Variants in UBE3B observed in about 807,000 individuals in gnomAD.
UBE3B encodes ubiquitin-protein ligase E3B.
Under a neutral mutation model 132.3 loss-of-function variants are expected in UBE3B, and 80 were observed. The observed-to-expected ratio is 0.60, with a 90% CI of 0.50 to 0.73. UBE3B has a LOEUF of 0.73. UBE3B is among the 30% of genes least tolerant of loss of function. The probability of loss-of-function intolerance (pLI) is 0.00; values close to 1 mark genes in which losing one functional copy is unlikely to be tolerated. For missense variants in UBE3B, 1,196 were observed against 1,362.5 expected (o/e 0.88, Z 1.92); for synonymous variants, 487 against 520.4 (o/e 0.94, Z 0.87).
rs757616037 is a variant in UBE3B at position 109,499,853 on chromosome 12, C to T, written c.1118+43C>T. 2.0e-6 allele frequency: 3 copies of T among 1,475,306 alleles called. No homozygotes were observed. In the African/African-American group the frequency reaches 4.3e-5, roughly 21 times the overall value. The allele number at this position is 1,475,306 out of a possible 1,614,324, so 91.4% of individuals were successfully genotyped here. A position where few individuals can be genotyped will look rare whatever the true frequency, so the allele number is the denominator to read the frequency against. On this transcript the variant is annotated intron_variant, in intron 12 of 27. Transcript: ENST00000342494. ...ATCACTGTCTTTCCTGCCTCTCTCC[C>T]ACCATCTTCTTCTTCCTTCTTTCTT...
At chr12:109,510,150 T>C (rs924548778) in intron 16 of UBE3B, among the ~76,000 whole-genome samples, 194 bp from the exon 17 acceptor site, 1 of 152,180 alleles carries the variant, frequency 6.6e-6, no homozygotes, top group African/African-American at 2.4e-5. Context: ...ATGAGTGATT[T>C]TGTCTGAGAG....
chr12:109,510,308 C>A, intron 16 of UBE3B, 36 bp from the exon 17 acceptor site: 3 of 1,538,356 alleles, frequency 2.0e-6, no homozygotes, highest in Non-Finnish European at 2.7e-6. Context: ...CTGGCTCTGA[C>A]TCCTCCTCTG....
intron 23 of UBE3B, among the ~76,000 whole-genome samples, chr12:109,525,220 G>A (rs575475140): frequency 1.4e-3 from 207 of 152,280 alleles, no homozygotes; most frequent in African/African-American, 4.9e-3. Context: ...GGAGCCCTGC[G>A]TGGCCTGTCC....
intron 9 of UBE3B, among the ~76,000 whole-genome samples, chr12:109,495,964 T>A (rs1262547819): frequency 6.6e-6 from 1 of 152,256 alleles, no homozygotes; most frequent in African/African-American, 2.4e-5. Flanking sequence ...GGGGCCAGTT[T>A]ATGGCCAGAT....
rs967866029 is a variant in UBE3B at position 109,498,764 on chromosome 12, C to G, written c.940+411C>G. 8.6e-5 allele frequency among the ~76,000 whole-genome samples: 13 copies of G among 151,882 alleles called. 1 individual carries two copies. The highest frequency in any genetic ancestry group is 2.9e-4 in the African/African-American group (12 of 41,446). On this transcript the variant is annotated intron_variant, in intron 11 of 27. Transcript: ENST00000342494. ...GGAAGAAAGGGTTTATGAATAGAAG[C>G]ATTTGAGGCAGAGGCACAGAATTCT... is the stretch of plus-strand genomic sequence containing the variant.
Position 109,535,007 on chromosome 12 carries a change from C to T in UBE3B, c.*225C>T. The T allele has an allele frequency of 2.5e-6, 1 of 394,406 alleles. No individual in the cohort carries two copies. Among genetic ancestry groups the T allele is most frequent in the African/African-American group, 2.1e-5 (1 of 48,628 alleles). 24.4% of individuals were successfully genotyped at this position (394,406 alleles called of 1,614,324 possible). On this transcript the variant is annotated 3_prime_UTR_variant, in exon 28 of 28. Coordinates refer to ENST00000342494, the MANE Select transcript of UBE3B (RefSeq NM_130466.4). ...AAGGCACAGGGCTGCAGAAAATAAA[C>T]CTCCAGATTCCACCAACACGGGTCC...
At chr12:109,542,003 C>T in the UBE3B span, among the ~76,000 whole-genome samples, 1 of 152,182 alleles carries the variant, frequency 6.6e-6, no homozygotes, top group African/African-American at 2.4e-5. Flanking sequence ...TGCACAGGTT[C>T]TGGGGGTTAG....
intron 18 of UBE3B, 27 bp from the exon 19 acceptor site, chr12:109,516,738 T>C (rs1294325194): frequency 1.2e-6 from 2 of 1,603,364 alleles, no homozygotes; most frequent in Non-Finnish European, 1.7e-6. Flanking sequence ...TGACCCTGTT[T>C]TCTGATCCCG....
the UBE3B span, among the ~76,000 whole-genome samples, chr12:109,542,268 G>C: frequency 6.6e-5 from 10 of 152,244 alleles, no homozygotes; most frequent in Non-Finnish European, 1.3e-4. Flanking sequence ...GTCTTCATGT[G>C]CTGCTTTCAG....
chr12:109,490,475 C>T (rs1246306542), intron 8 of UBE3B: 1 of 1,535,464 alleles, frequency 6.5e-7, no homozygotes, highest in Admixed American at 2.0e-5. Context: ...TGACTTTGCC[C>T]TTCCTTCTCC....
intron 16 of UBE3B, among the ~76,000 whole-genome samples, 181 bp from the exon 17 acceptor site, chr12:109,510,163 A>C (rs565484467): frequency 6.6e-6 from 1 of 152,152 alleles, no homozygotes; most frequent in South Asian, 2.1e-4. Context: ...TCTGAGAGGT[A>C]CTCAGGCCCT....
At chr12:109,486,974 G>A (rs41444250) in intron 6 of UBE3B, among the ~76,000 whole-genome samples, 2,667 of 152,272 alleles carry the variant, frequency 0.018, 94 homozygotes, top group African/African-American at 0.062. Context: ...ATTCAGTAAC[G>A]TGGCAGCTAG....
downstream of UBE3B, among the ~76,000 whole-genome samples, chr12:109,538,702 C>T (rs1403234594): frequency 1.3e-5 from 2 of 152,196 alleles, no homozygotes; most frequent in Non-Finnish European, 2.9e-5. This position sits in a 1 kb window ranked among gnomAD's most constrained non-coding sequence, Gnocchi z 4.1. Context: ...ATGATCCCAG[C>T]AGGGTGAGGA....
rs747033125 is a variant in UBE3B, at chr12:109,488,616, G to A, written c.492G>A (p.Thr164=). 7.4e-6 allele frequency: 12 copies of A among 1,614,158 alleles called. No homozygotes were observed. The highest frequency in any genetic ancestry group is 6.7e-5 in the East Asian group (3 of 44,886). ...QDSRLITLYL[T]MLVTFTDTST... ...CCCGACTCATCACCCTGTACCTCACGATGCTTGTCACCTTCACAGACACTT... is the reference window on the plus strand; with the variant it reads ...CCCGACTCATCACCCTGTACCTCACAATGCTTGTCACCTTCACAGACACTT... Residue 164 remains threonine, a synonymous_variant, in exon 7 of 28, where the codon ACG becomes ACA. Coordinates refer to ENST00000342494, the MANE Select transcript of UBE3B (RefSeq NM_130466.4).
At chr12:109,498,391 C>T in intron 11 of UBE3B, 38 bp downstream of exon 11, 1 of 1,600,640 alleles carries the variant, frequency 6.2e-7, no homozygotes, top group Middle Eastern at 1.7e-4. Flanking sequence ...GTGTCCTGGC[C>T]ATCAGGGAAA....
Position 109,483,597 on chromosome 12 carries a change from G to A in UBE3B, c.46G>A (p.Ala16Thr). The part of the protein sequence containing the change: ...QTSRAWFIDR[A>T]RQAREERLVQ... The stretch of plus-strand genomic sequence containing the variant: ...CTCGAGAGCATGGTTCATCGATAGA[G>A]CCCGTCAGGCACGAGAAGAAAGGCT... The change falls in exon 3 of 28, where the codon GCC (alanine) becomes ACC (threonine). Residue 16 changes from alanine (A) to threonine (T), a missense_variant. By Grantham distance (58) the Ala-to-Thr change is moderately conservative. Transcript: ENST00000342494. 6.2e-7 allele frequency: 1 copy of A among 1,611,128 alleles called. No homozygotes were observed. Among genetic ancestry groups the A allele is most frequent in the Non-Finnish European group, 8.5e-7 (1 of 1,179,130 alleles).
At chr12:109,483,162 T>C (rs1875774416) in intron 2 of UBE3B, among the ~76,000 whole-genome samples, 1 of 152,242 alleles carries the variant, frequency 6.6e-6, no homozygotes, top group Admixed American at 6.5e-5. Context: ...AAAATTCAAA[T>C]ATCTGGGAAT....
chr12:109,509,445 A>C, intron 15 of UBE3B, 151 bp from the exon 16 acceptor site: 1 of 552,804 alleles, frequency 1.8e-6, no homozygotes. Flanking sequence ...TGATGATATC[A>C]TATCATTTTA....
At chr12:109,517,290 A>T (rs1881185720) in intron 19 of UBE3B, among the ~76,000 whole-genome samples, 1 of 152,194 alleles carries the variant, frequency 6.6e-6, no homozygotes, top group Non-Finnish European at 1.5e-5. Context: ...AGTGGAGTGG[A>T]GGTGTTACAT....
Sources: allele counts gnomAD v4.1 joint callset (sites outside exome capture counted in the v4.1 genomes callset), GRCh38; gene constraint gnomAD v4.1.1; non-coding constraint Gnocchi (gnomAD v3.1); transcripts MANE v1.5; gene names NCBI Gene and HGNC (gene_info 2026-07-23, HGNC 2026-07-21).